Variants in PCNX1 observed in about 807,000 individuals in gnomAD.
PCNX1 encodes pecanex 1.
Under a neutral mutation model 242.2 loss-of-function variants are expected in PCNX1, and 78 were observed. The ratio of observed to expected loss-of-function variants is 0.32; its 90% CI spans 0.27 to 0.39. The LOEUF is 0.39. PCNX1 is among the 10% of genes least tolerant of loss of function. The probability of loss-of-function intolerance (pLI) is 1.00; values close to 1 mark genes in which losing one functional copy is unlikely to be tolerated. For missense variants in PCNX1, 2,581 were observed against 2,856.5 expected (o/e 0.90, Z 2.20); for synonymous variants, 1,024 against 1,032.9 (o/e 0.99, Z 0.17).
chr14:70,959,303 C>A (rs768362545), intron 2 of PCNX1, among the ~76,000 whole-genome samples: 1 of 149,714 alleles, frequency 6.7e-6, no homozygotes, highest in Non-Finnish European at 1.5e-5. Flanking sequence ...TATGTATACA[C>A]ATGCCATGCT....
intron 5 of PCNX1, among the ~76,000 whole-genome samples, chr14:70,976,354 CTCTTTCTT>C (rs370904774): frequency 0.036 from 5,009 of 139,272 alleles, 156 homozygotes; most frequent in Admixed American, 0.099. Flanking sequence ...TCCTTTGTTG[CTCTTTCTT>C]TCTTTCTTTC....
At chr14:71,005,564 C>T (rs1409900514) in intron 8 of PCNX1, among the ~76,000 whole-genome samples, 1 of 151,588 alleles carries the variant, frequency 6.6e-6, no homozygotes, top group Non-Finnish European at 1.5e-5. Flanking sequence ...GAGTACTGTT[C>T]TTAAAATTCT....
chr14:71,060,488 T>G lies in PCNX1; in HGVS notation c.4852+2764T>G, dbSNP rs115966640. On this transcript the variant is annotated intron_variant, in intron 26 of 35. Coordinates refer to ENST00000304743, the MANE Select transcript of PCNX1 (RefSeq NM_014982.3). ...TTGCATCATTTTCTCTGTGTTTGAT[T>G]TGATCTTGTGTCATTCGATTTTATG... is the stretch of plus-strand genomic sequence containing the variant. Among the ~76,000 whole-genome samples the G allele has an allele frequency of 3.1e-3, 470 of 152,354 alleles. 5 individuals are homozygous for G. Among genetic ancestry groups the G allele is most frequent in the African/African-American group, 0.011 (451 of 41,586 alleles).
intron 19 of PCNX1, among the ~76,000 whole-genome samples, chr14:71,043,122 C>T (rs1219643129): frequency 6.6e-6 from 1 of 152,058 alleles, no homozygotes; most frequent in African/African-American, 2.4e-5. Flanking sequence ...AATGTGTCAC[C>T]TCAGTGTCTT....
At chr14:71,065,351 G>T (rs1331559811) in intron 26 of PCNX1, among the ~76,000 whole-genome samples, 1 of 152,138 alleles carries the variant, frequency 6.6e-6, no homozygotes, top group Non-Finnish European at 1.5e-5. Flanking sequence ...GTTTTGATTT[G>T]CATTTCTCTA....
intron 9 of PCNX1, among the ~76,000 whole-genome samples, chr14:71,010,621 T>A (rs1382561668): frequency 6.6e-6 from 1 of 152,080 alleles, no homozygotes; most frequent in African/African-American, 2.4e-5. Flanking sequence ...TTAACATTTT[T>A]GTTTTCTAAA....
chr14:71,106,272 C>A (rs1196387619), intron 33 of PCNX1, among the ~76,000 whole-genome samples: 1 of 152,070 alleles, frequency 6.6e-6, no homozygotes, highest in African/African-American at 2.4e-5. Context: ...CCCACCTTGG[C>A]CTCCCAAAGT....
chr14:71,046,932 A>G (rs745771744), intron 20 of PCNX1, 32 bp from the exon 21 acceptor site: 3 of 1,553,504 alleles, frequency 1.9e-6, no homozygotes, highest in South Asian at 2.4e-5. Context: ...ACATTTGATG[A>G]CATGTAGTCT....
intron 10 of PCNX1, chr14:71,012,533 CAT>C: frequency 5.5e-6 from 1 of 180,376 alleles, no homozygotes; most frequent in Non-Finnish European, 1.2e-5. Flanking sequence ...GTAATCATAA[CAT>C]ATTCATAAAG....
At chr14:70,945,158 G>T (rs1433069166) in intron 1 of PCNX1, among the ~76,000 whole-genome samples, 3 of 152,036 alleles carry the variant, frequency 2.0e-5, no homozygotes, top group African/African-American at 7.2e-5. Context: ...GGCTATCCAG[G>T]AGTCCCCAGG....
chr14:71,067,829 G>A (rs1422789793), intron 26 of PCNX1, among the ~76,000 whole-genome samples: 2 of 151,666 alleles, frequency 1.3e-5, no homozygotes, highest in African/African-American at 4.8e-5. Context: ...TGGTTTCAAA[G>A]CACTTATATA....
chr14:70,914,415 A>G (rs879463682), intron 1 of PCNX1, among the ~76,000 whole-genome samples: 2 of 152,186 alleles, frequency 1.3e-5, no homozygotes, highest in Non-Finnish European at 2.9e-5. Context: ...AAAGCAGTTG[A>G]TTTATAAAAT....
At chr14:71,059,732 C>T (rs1048784451) in intron 26 of PCNX1, among the ~76,000 whole-genome samples, 11 of 152,066 alleles carry the variant, frequency 7.2e-5, no homozygotes, top group South Asian at 2.1e-4. Flanking sequence ...GGCATTCGCA[C>T]GCTTACAATT....
At chr14:70,931,284 A>G (rs1337521161) in intron 1 of PCNX1, among the ~76,000 whole-genome samples, 1 of 152,230 alleles carries the variant, frequency 6.6e-6, no homozygotes, top group Non-Finnish European at 1.5e-5. Flanking sequence ...ACCAGTAAAA[A>G]AGCTAAAACT....
At chr14:70,968,478 T>A (rs2058447179) in intron 4 of PCNX1, among the ~76,000 whole-genome samples, 1 of 152,208 alleles carries the variant, frequency 6.6e-6, no homozygotes, top group South Asian at 2.1e-4. Flanking sequence ...ATTACATAAG[T>A]TTTGATCTAT....
At chr14:70,952,897 T>G (rs2057842561) in intron 2 of PCNX1, among the ~76,000 whole-genome samples, 1 of 152,186 alleles carries the variant, frequency 6.6e-6, no homozygotes. Context: ...GTCCTTATTG[T>G]TCACATCTTC....
chr14:71,039,129 G>A (rs909467763), intron 19 of PCNX1, among the ~76,000 whole-genome samples: 1 of 151,718 alleles, frequency 6.6e-6, no homozygotes, highest in Non-Finnish European at 1.5e-5. Context: ...GCTAGATGAC[G>A]AGTTAATGGG....
intron 7 of PCNX1, among the ~76,000 whole-genome samples, chr14:70,993,991 TTAAA>T (rs1221776882): frequency 6.6e-6 from 1 of 152,334 alleles, no homozygotes; most frequent in African/African-American, 2.4e-5. Context: ...GAAGAAATTA[TTAAA>T]TAAATACTTT....
At chr14:70,994,425 ATATATGTATG>A (rs2059279836) in intron 7 of PCNX1, among the ~76,000 whole-genome samples, 1 of 112,716 alleles carries the variant, frequency 8.9e-6, no homozygotes, top group African/African-American at 3.3e-5. Context: ...ATATATATAT[ATATATGTATG>A]TATGTATGTT....
Sources: gnomAD v4.1 joint callset for allele counts (sites outside exome capture counted in the v4.1 genomes callset) on GRCh38, gnomAD v4.1.1 for gene constraint, MANE v1.5 for transcripts, NCBI Gene and HGNC (gene_info 2026-07-23, HGNC 2026-07-21) for gene names.